The following SPTA1 variants were observed in gnomAD, a reference collection of about 807,000 sequenced individuals.
The protein encoded by SPTA1 is spectrin alpha chain, erythrocytic 1.
A neutral mutation model predicts 324.7 loss-of-function variants in SPTA1; 177 were observed. The observed-to-expected ratio is 0.55, with a 90% CI of 0.48 to 0.62. The LOEUF (loss-of-function observed/expected upper bound fraction) is 0.62. Among genes scored for constraint, SPTA1 ranks in the 20% least tolerant of loss-of-function variants. The pLI is 0.00. For missense variants in SPTA1, 3,162 were observed against 2,883.6 expected (o/e 1.10, Z -2.21); for synonymous variants, 1,195 against 1,041.3 (o/e 1.15, Z -2.84).
At chr1:158,628,069 G>T (rs1315077286) in intron 39 of SPTA1, among the ~76,000 whole-genome samples, 7 of 152,104 alleles carry the variant, frequency 4.6e-5, no homozygotes, top group Admixed American at 4.6e-4. Flanking sequence ...GAAACAATGT[G>T]TCTAGCAGAA....
chr1:158,612,395 G>A (rs886226385), intron 51 of SPTA1: 4 of 231,814 alleles, frequency 1.7e-5, no homozygotes, highest in Admixed American at 5.2e-5. Context: ...CCACATCTTT[G>A]TTCCCATGAC....
Position 158,671,439 on chromosome 1 carries a change from G to A in SPTA1, c.1503C>T (p.Asn501=), listed in dbSNP as rs1382683894. 5.6e-6 allele frequency: 9 copies of A among 1,612,752 alleles called. No homozygotes were observed. Among genetic ancestry groups the A allele is most frequent in the Non-Finnish European group, 6.8e-6 (8 of 1,179,826 alleles). The stretch of plus-strand genomic sequence containing the variant: ...TGCCCAGTGAGTTTCCCAGATCCTC[G>A]TTTTCCAGGAAGGCCTGTAGAAGAC... ...WMSRQEAFLE[N]EDLGNSLGSA... Residue 501 remains asparagine (N), a synonymous_variant, in exon 12 of 52, where the codon AAC becomes AAT. Coordinates refer to ENST00000643759, the MANE Select transcript of SPTA1 (RefSeq NM_003126.4).
At chr1:158,636,584 A>C (rs1477895183) in intron 37 of SPTA1, 57 bp downstream of exon 37, 5 of 1,597,698 alleles carry the variant, frequency 3.1e-6, no homozygotes, top group Non-Finnish European at 4.3e-6. Context: ...TATCTGTAAC[A>C]CAAGGGGTTG....
rs703116 is a variant in SPTA1 at position 158,674,315 on chromosome 1, T to A, written c.1350+14A>T. ...TATAATTGGAATTTGACAAACTCTG[T>A]TAAACTAGATTACCTTTTCCCGAAC... On this transcript the variant is annotated intron_variant, in intron 10 of 51. Coordinates refer to ENST00000643759, the MANE Select transcript of SPTA1 (RefSeq NM_003126.4). The A allele has an allele frequency of 0.4, 639,260 of 1,611,594 alleles. 131,090 individuals carry two copies. Among genetic ancestry groups the A allele is most frequent in the South Asian group, 0.54 (48,708 of 91,014 alleles).
rs2101879235 is a variant in SPTA1, at chr1:158,657,677, C to A, written c.2605G>T (p.Asp869Tyr). The A allele has an allele frequency of 6.2e-7, 1 of 1,614,092 alleles. No individual in the cohort carries two copies. ...AAACTCTTGACCCTAGAGGCCACAT[C>A]TTCTGCAGCAAAGTGTCCTATGGAG... is the stretch of plus-strand genomic sequence containing the variant. Reference protein sequence around the residue: ...MVEEGHFAAEDVASRVKSLNQ... With the variant: ...MVEEGHFAAEYVASRVKSLNQ... The change falls in exon 19 of 52, where the codon GAT becomes TAT. Residue 869 changes from aspartate to tyrosine, a missense_variant. Physicochemically the swap from Asp to Tyr is radical, Grantham distance 160 (BLOSUM62 -3). Coordinates refer to ENST00000643759, the MANE Select transcript of SPTA1 (RefSeq NM_003126.4).
intron 14 of SPTA1, among the ~76,000 whole-genome samples, chr1:158,668,290 G>A (rs1205359038): frequency 6.6e-6 from 1 of 152,138 alleles, no homozygotes; most frequent in Non-Finnish European, 1.5e-5. Context: ...GCTGGACTTA[G>A]ATATGGCTTG....
intron 31 of SPTA1, 72 bp from the exon 32 acceptor site, chr1:158,643,048 C>G: frequency 6.3e-7 from 1 of 1,592,670 alleles, no homozygotes; most frequent in Non-Finnish European, 8.6e-7. Context: ...ATCCATAAAT[C>G]TTCCCATTTG....
intron 5 of SPTA1, 65 bp from the exon 6 acceptor site, chr1:158,678,599 C>A: frequency 1.9e-6 from 3 of 1,565,380 alleles, no homozygotes; most frequent in Non-Finnish European, 2.6e-6. Flanking sequence ...ATTATTCAAA[C>A]ACTTTTCATT....
At position 158,677,886 on chromosome 1, in the gene SPTA1, G is replaced by C. The variant is rs371000477; in HGVS notation, c.813-52C>G. The C allele has an allele frequency of 4.7e-4, 749 of 1,610,566 alleles. 9 individuals are homozygous for C. The South Asian group carries it at 7.6e-3, about 16-fold the overall frequency. On this transcript the variant is annotated intron_variant, in intron 6 of 51. Coordinates refer to ENST00000643759, the MANE Select transcript of SPTA1 (RefSeq NM_003126.4). The stretch of plus-strand genomic sequence containing the variant: ...CAAAGAAGATAGCAAGCATTACAGG[G>C]CAAACGGTCCAACAGAACTCACAGC...
chr1:158,647,395 C>T (rs12131610), intron 27 of SPTA1, 144 bp downstream of exon 27: 4 of 998,210 alleles, frequency 4.0e-6, no homozygotes, highest in African/African-American at 3.2e-5. Context: ...TAGTTTCAAA[C>T]CTGAAATTTT....
chr1:158,616,686 G>A (rs1224443475), intron 47 of SPTA1, among the ~76,000 whole-genome samples: 1 of 152,072 alleles, frequency 6.6e-6, no homozygotes, highest in South Asian at 2.1e-4. Flanking sequence ...TTTGGCTATT[G>A]TGAATAGTCT....
Position 158,641,904 on chromosome 1 carries a change from C to G in SPTA1, c.4737+507G>C, listed in dbSNP as rs552366483. Among the ~76,000 whole-genome samples, 219 of 152,260 alleles carry G rather than the reference C, an allele frequency of 1.4e-3. 1 individual carries two copies. Among genetic ancestry groups the G allele is most frequent in the African/African-American group, 4.9e-3 (205 of 41,528 alleles). On this transcript the variant is annotated intron_variant, in intron 33 of 51. Coordinates refer to ENST00000643759, the MANE Select transcript of SPTA1 (RefSeq NM_003126.4). ...TATTCACAATAGCAAAGATTTGGAA[C>G]CAACCCAAATGTCCCACAATGGTAG...
intron 35 of SPTA1, 192 bp downstream of exon 35, chr1:158,639,390 T>A (rs1375323782): frequency 1.6e-6 from 1 of 633,112 alleles, no homozygotes; most frequent in Non-Finnish European, 2.8e-6. Context: ...AGTTTAGGGA[T>A]AATTGATTAT....
Position 158,645,195 on chromosome 1 carries a change from T to G in SPTA1, c.4187A>C (p.Glu1396Ala). Residue 1396 changes from glutamate (E) to alanine (A), a missense_variant, in exon 29 of 52, where the codon GAG becomes GCG. By Grantham distance (107) the Glu-to-Ala change is moderately radical. Coordinates refer to ENST00000643759, the MANE Select transcript of SPTA1 (RefSeq NM_003126.4). ...KRKKILDQCLELQMFQGNCDQ... is the reference protein window; with the variant it reads ...KRKKILDQCLALQMFQGNCDQ... ...TTGGGAAATTTGCTGTACCTGCAACTCCAGGCACTGGTCTAGGATCTTCTT... is the reference window on the plus strand; with the variant it reads ...TTGGGAAATTTGCTGTACCTGCAACGCCAGGCACTGGTCTAGGATCTTCTT... 1 of 1,613,824 alleles carries G rather than the reference T, an allele frequency of 6.2e-7. No individual in the cohort carries two copies.
At chr1:158,647,849 T>G in intron 26 of SPTA1, 129 bp from the exon 27 acceptor site, 2 of 993,780 alleles carry the variant, frequency 2.0e-6, no homozygotes, top group South Asian at 3.2e-5. Flanking sequence ...GTCATCATAC[T>G]TTACAAAATA....
chr1:158,686,576 A>AGAGAGAGAGAGAG lies in SPTA1; in HGVS notation c.-60_-59insCTCTCTCTCTCTC. On this transcript the variant is annotated 5_prime_UTR_variant, in exon 1 of 52. It introduces an in-frame stop codon into an upstream open reading frame of the 5' UTR. Transcript: ENST00000643759. ...ATGTGTCAGAGAGAGAGAGAGAGAG[A>AGAGAGAGAGAGAG]AATAATTCAAATGGAACTGTCCAGT... is the stretch of plus-strand genomic sequence containing the variant. 1 of 1,331,646 alleles carries AGAGAGAGAGAGAG rather than the reference A, an allele frequency of 7.5e-7. No homozygotes were observed. The highest frequency in any genetic ancestry group is 1.1e-6 in the Non-Finnish European group (1 of 923,818). 82.5% of individuals were successfully genotyped at this position (1,331,646 alleles called of 1,614,324 possible). A position where few individuals can be genotyped will look rare whatever the true frequency, so the allele number is the denominator to read the frequency against.
chr1:158,678,284 C>T lies in SPTA1; in HGVS notation c.812+117G>A, dbSNP rs1379044662. 4.3e-6 allele frequency: 6 copies of T among 1,404,104 alleles called. No individual in the cohort carries two copies. The East Asian group carries it at 1.4e-4, about 32-fold the overall frequency. 87.0% of individuals were successfully genotyped at this position (1,404,104 alleles called of 1,614,324 possible). Reference sequence around the variant, plus strand: ...GTCCCAAAGGCAAGTACATGATCCACTTTTGTTTGAAGTGTTGACCATTAA... The same window carrying T: ...GTCCCAAAGGCAAGTACATGATCCATTTTTGTTTGAAGTGTTGACCATTAA... On this transcript the variant is annotated intron_variant, in intron 6 of 51. Coordinates refer to ENST00000643759, the MANE Select transcript of SPTA1 (RefSeq NM_003126.4).
Position 158,614,319 on chromosome 1 carries a change from A to AT in SPTA1, c.6789-14_6789-13insA, listed in dbSNP as rs371601759. On this transcript the variant is annotated splice_polypyrimidine_tract_variant and intron_variant, in intron 48 of 51. Transcript: ENST00000643759. ...ACCTTTGATGTCCCTGAAAGAAAAA[A>AT]AAAAAACATGAATTTTCCCTGTATA... 4.4e-6 allele frequency: 7 copies of AT among 1,578,124 alleles called. No homozygotes were observed. Among genetic ancestry groups the AT allele is most frequent in the African/African-American group, 4.1e-5 (3 of 74,034 alleles).
intron 8 of SPTA1, among the ~76,000 whole-genome samples, 190 bp downstream of exon 8, chr1:158,675,950 TA>T: frequency 6.6e-6 from 1 of 152,184 alleles, no homozygotes; most frequent in Non-Finnish European, 1.5e-5. Context: ...AAACCACAGA[TA>T]AGGGGGTGCT....
Sources: allele counts gnomAD v4.1 joint callset (sites outside exome capture counted in the v4.1 genomes callset), GRCh38; gene constraint gnomAD v4.1.1; transcripts MANE v1.5; gene names NCBI Gene and HGNC (gene_info 2026-07-23, HGNC 2026-07-21).